The following ATP8A2 variants were observed in gnomAD, a reference collection of about 807,000 sequenced individuals.
ATP8A2 encodes ATPase phospholipid transporting 8A2, also known as phospholipid-transporting ATPase IB.
In ATP8A2, 100 loss-of-function variants were observed where a neutral mutation model predicts 165.6. That is an observed-to-expected ratio of 0.60 (90% CI 0.51 to 0.71). The LOEUF is 0.71. Among genes scored for constraint, ATP8A2 ranks in the 30% least tolerant of loss-of-function variants. The probability of loss-of-function intolerance (pLI) is 0.00; values close to 1 mark genes in which losing one functional copy is unlikely to be tolerated. For synonymous variants in ATP8A2, 543 were observed against 548.8 expected (o/e 0.99, Z 0.15); for missense variants, 1,227 against 1,479.5 (o/e 0.83, Z 2.80).
chr13:25,598,478 A>G (rs1265891495), intron 24 of ATP8A2, among the ~76,000 whole-genome samples: 3 of 152,190 alleles, frequency 2.0e-5, no homozygotes, highest in African/African-American at 4.8e-5. Context: ...TTTGCATTCT[A>G]TGAACGTGGG....
At chr13:25,594,371 G>A (rs1301974448) in intron 24 of ATP8A2, among the ~76,000 whole-genome samples, 1 of 152,152 alleles carries the variant, frequency 6.6e-6, no homozygotes, top group Non-Finnish European at 1.5e-5. Flanking sequence ...TTGAATATGG[G>A]TGGAAGACCT....
At chr13:25,774,164 G>A (rs1237862811) in intron 26 of ATP8A2, among the ~76,000 whole-genome samples, 1 of 152,100 alleles carries the variant, frequency 6.6e-6, no homozygotes, top group African/African-American at 2.4e-5. Context: ...CAACCCAAAT[G>A]TCCATCCGTG....
At chr13:25,586,453 C>G (rs1199952784) in intron 23 of ATP8A2, among the ~76,000 whole-genome samples, 1 of 152,130 alleles carries the variant, frequency 6.6e-6, no homozygotes, top group African/African-American at 2.4e-5. Context: ...GGGAGAGGTG[C>G]CCAGGCGTGT....
At chr13:25,725,399 A>G (rs2043471045) in intron 25 of ATP8A2, among the ~76,000 whole-genome samples, 1 of 152,214 alleles carries the variant, frequency 6.6e-6, no homozygotes. Context: ...AGTGGACCAA[A>G]GTGGAATCTG....
intron 36 of ATP8A2, among the ~76,000 whole-genome samples, chr13:26,013,858 C>A (rs762555270): frequency 3.3e-5 from 5 of 152,152 alleles, no homozygotes; most frequent in African/African-American, 1.2e-4. Context: ...CAGTAATCTA[C>A]CCCCTGTCCT....
intron 35 of ATP8A2, among the ~76,000 whole-genome samples, chr13:25,977,104 A>G (rs1022535160): frequency 7.0e-6 from 1 of 141,972 alleles, no homozygotes; most frequent in African/African-American, 2.6e-5. Context: ...CACCGTGCCC[A>G]GCCGCAGCTC....
intron 27 of ATP8A2, among the ~76,000 whole-genome samples, chr13:25,779,593 G>T (rs2044825500): frequency 6.6e-6 from 1 of 151,846 alleles, no homozygotes; most frequent in South Asian, 2.1e-4. Flanking sequence ...TTCTCTTTTT[G>T]CAATAGTCAA....
At chr13:25,499,215 A>T (rs1302572216) in intron 2 of ATP8A2, among the ~76,000 whole-genome samples, 2 of 152,202 alleles carry the variant, frequency 1.3e-5, no homozygotes, top group Non-Finnish European at 2.9e-5. Flanking sequence ...TGAGTGCAGC[A>T]TTTAAGGAAG....
chr13:25,938,020 T>A (rs1213233272), intron 33 of ATP8A2, among the ~76,000 whole-genome samples: 1 of 152,068 alleles, frequency 6.6e-6, no homozygotes. Context: ...TATTCCTGTT[T>A]GCTCATGTCT....
chr13:26,007,063 T>C (rs7329196), intron 35 of ATP8A2, among the ~76,000 whole-genome samples: 67,434 of 151,706 alleles, frequency 0.44, 15,262 homozygotes, highest in Non-Finnish European at 0.49. Context: ...TTTCTTCTCA[T>C]TATTTCAGAA....
chr13:25,496,070 A>G (rs753668107), intron 2 of ATP8A2, among the ~76,000 whole-genome samples: 46 of 152,186 alleles, frequency 3.0e-4, no homozygotes, highest in Non-Finnish European at 5.7e-4. Flanking sequence ...ACCTGGCTGT[A>G]TTGTCTGACT....
chr13:25,837,740 G>A (rs1951653658), intron 29 of ATP8A2, among the ~76,000 whole-genome samples: 1 of 152,168 alleles, frequency 6.6e-6, no homozygotes, highest in South Asian at 2.1e-4. Flanking sequence ...TCTTTAGCTA[G>A]TGCGTAAAAT....
intron 33 of ATP8A2, among the ~76,000 whole-genome samples, chr13:25,926,892 T>G (rs542328950): frequency 1.3e-5 from 2 of 152,334 alleles, no homozygotes; most frequent in Admixed American, 1.3e-4. Flanking sequence ...CGGAAATGTT[T>G]GAAAGCATGA....
intron 1 of ATP8A2, among the ~76,000 whole-genome samples, chr13:25,442,838 T>C (rs73473706): frequency 0.09 from 13,677 of 152,162 alleles, 774 homozygotes; most frequent in South Asian, 0.18. Flanking sequence ...CATTTTAAAA[T>C]CTACTGTGAA....
intron 33 of ATP8A2, among the ~76,000 whole-genome samples, chr13:25,954,557 G>A (rs538213852): frequency 8.5e-5 from 13 of 152,316 alleles, no homozygotes; most frequent in Admixed American, 5.9e-4. Context: ...TATGCCTCCT[G>A]ACTGGGAGAC....
intron 33 of ATP8A2, among the ~76,000 whole-genome samples, chr13:25,867,519 T>A (rs1952541989): frequency 6.6e-6 from 1 of 152,090 alleles, no homozygotes; most frequent in African/African-American, 2.4e-5. Flanking sequence ...GGAGAGGACT[T>A]GTTTTCAGGT....
chr13:26,012,737 TGGGGGC>T, intron 36 of ATP8A2, 115 bp downstream of exon 36: 1 of 22,436 alleles, frequency 4.5e-5, no homozygotes, highest in Non-Finnish European at 8.7e-5. Flanking sequence ...TGACGGGGGG[TGGGGGC>T]GGGGCGTGCG....
intron 2 of ATP8A2, among the ~76,000 whole-genome samples, chr13:25,497,683 T>C (rs1349085270): frequency 6.6e-6 from 1 of 152,112 alleles, no homozygotes; most frequent in African/African-American, 2.4e-5. Context: ...CCGGGCACGG[T>C]GGCTCATGCC....
In ATP8A2 at chr13:25,732,812, C is replaced by G. The variant is rs146200398; in HGVS notation, c.2384+33467C>G. The stretch of plus-strand genomic sequence containing the variant: ...GCCTATTGCTGAAAAAAAGTTGTAC[C>G]CTGTATTATTGCTTTTTTTTTGTCC... On this transcript the variant is annotated intron_variant, in intron 25 of 36. Transcript: ENST00000381655. Among the ~76,000 whole-genome samples the G allele has an allele frequency of 3.0e-3, 457 of 152,190 alleles. 3 individuals carry two copies. Among genetic ancestry groups the G allele is most frequent in the African/African-American group, 9.9e-3 (413 of 41,542 alleles).
Sources: gnomAD v4.1 joint callset for allele counts (sites outside exome capture counted in the v4.1 genomes callset) on GRCh38, gnomAD v4.1.1 for gene constraint, MANE v1.5 for transcripts, NCBI Gene and HGNC (gene_info 2026-07-23, HGNC 2026-07-21) for gene names.